The following STAG1 variants were observed in gnomAD, a reference collection of about 807,000 sequenced individuals.
STAG1 encodes STAG1 cohesin complex component.
A neutral mutation model predicts 170.9 loss-of-function variants in STAG1; 26 were observed. The ratio of observed to expected loss-of-function variants is 0.15; its 90% confidence interval spans 0.11 to 0.21. The LOEUF is 0.21. Ranked by LOEUF, STAG1 falls within the 10% of genes least tolerant of loss-of-function variation. STAG1 has a pLI of 1.00. For missense variants in STAG1, 964 were observed against 1,509.5 expected (o/e 0.64, Z 5.99); for synonymous variants, 514 against 497.7 (o/e 1.03, Z -0.44).
chr3:136,731,468 A>G (rs1441852916), intron 1 of STAG1, among the ~76,000 whole-genome samples: 1 of 152,202 alleles, frequency 6.6e-6, no homozygotes, highest in Non-Finnish European at 1.5e-5. Context: ...CAGGGTACCA[A>G]TTCTACAACC....
chr3:136,524,227 G>C (rs1426605688), intron 6 of STAG1, among the ~76,000 whole-genome samples: 1 of 152,176 alleles, frequency 6.6e-6, no homozygotes, highest in African/African-American at 2.4e-5. Context: ...CTATCCATGA[G>C]CATGGAATGT....
chr3:136,727,659 G>T (rs1055277095), intron 1 of STAG1, among the ~76,000 whole-genome samples: 2 of 152,124 alleles, frequency 1.3e-5, no homozygotes, highest in East Asian at 1.9e-4. Flanking sequence ...CATGCTAGGT[G>T]TAACAGGTTA....
intron 15 of STAG1, 69 bp from the exon 16 acceptor site, chr3:136,433,728 CATT>C: frequency 1.9e-6 from 2 of 1,065,400 alleles, no homozygotes; most frequent in East Asian, 2.5e-5. Context: ...AAAATGAACA[CATT>C]ATTAAAAAAA....
intron 23 of STAG1, among the ~76,000 whole-genome samples, chr3:136,372,765 C>G (rs1339358036): frequency 1.3e-5 from 2 of 152,102 alleles, no homozygotes; most frequent in East Asian, 1.9e-4. Flanking sequence ...TTTTATTGAG[C>G]ATTTTTGCAT....
At chr3:136,709,362 A>G (rs1943322025) in intron 1 of STAG1, among the ~76,000 whole-genome samples, 1 of 152,106 alleles carries the variant, frequency 6.6e-6, no homozygotes. Flanking sequence ...TTAAATGAAG[A>G]CAAATTTATT....
chr3:136,528,094 C>G (rs1291305114), intron 6 of STAG1, among the ~76,000 whole-genome samples: 1 of 152,132 alleles, frequency 6.6e-6, no homozygotes, highest in African/African-American at 2.4e-5. Flanking sequence ...CTGGGAGAAC[C>G]ACTAATCTCC....
intron 2 of STAG1, among the ~76,000 whole-genome samples, chr3:136,623,860 G>C (rs9828068): frequency 0.35 from 52,984 of 151,690 alleles, 10,390 homozygotes; most frequent in African/African-American, 0.52. Context: ...GAGGTTGAGG[G>C]AGGGGAATCA....
chr3:136,698,251 T>G (rs2107904814), intron 1 of STAG1, among the ~76,000 whole-genome samples: 1 of 152,144 alleles, frequency 6.6e-6, no homozygotes, highest in South Asian at 2.1e-4. Context: ...TCACAAACTG[T>G]GTGTCTGACA....
chr3:136,479,241 C>A (rs1371949683), intron 9 of STAG1, among the ~76,000 whole-genome samples: 1 of 119,324 alleles, frequency 8.4e-6, no homozygotes, highest in Non-Finnish European at 1.7e-5. Context: ...CCTGACCCCA[C>A]CACCGTCCCC....
intron 8 of STAG1, among the ~76,000 whole-genome samples, chr3:136,500,804 C>G (rs1933422411): frequency 6.6e-6 from 1 of 152,164 alleles, no homozygotes; most frequent in Admixed American, 6.5e-5. Flanking sequence ...AAAAAGGATC[C>G]TGGCTACTTA....
At chr3:136,412,600 G>T (rs2087655883) in intron 21 of STAG1, among the ~76,000 whole-genome samples, 1 of 152,018 alleles carries the variant, frequency 6.6e-6, no homozygotes, top group Non-Finnish European at 1.5e-5. Context: ...GATGCATTGA[G>T]GACAAAATAT....
At chr3:136,610,993 C>CT (rs1939246960) in intron 3 of STAG1, among the ~76,000 whole-genome samples, 1 of 152,174 alleles carries the variant, frequency 6.6e-6, no homozygotes, top group African/African-American at 2.4e-5. Flanking sequence ...ATCTGAAATG[C>CT]TTGGAACAAG....
rs1936740915 is a variant in STAG1, at chr3:136,358,498, C to G, written c.2936+650G>C. On this transcript the variant is annotated intron_variant, in intron 27 of 33. Coordinates refer to ENST00000383202, the MANE Select transcript of STAG1 (RefSeq NM_005862.3). ...AATGGTACCAAGCTGTGTGAGTTTA[C>G]TAAAGATTTTCTGTTACTTCTGTTT... Among the ~76,000 whole-genome samples the G allele has an allele frequency of 2.6e-5, 4 of 152,264 alleles. No homozygotes were observed. The East Asian group carries it at 7.7e-4, about 29-fold the overall frequency.
intron 21 of STAG1, among the ~76,000 whole-genome samples, chr3:136,414,892 C>T (rs75473455): frequency 1.0e-3 from 155 of 152,140 alleles, no homozygotes; most frequent in Middle Eastern, 6.8e-3. Context: ...ATTGTTTTGT[C>T]TCAGGGAATA....
intron 6 of STAG1, among the ~76,000 whole-genome samples, chr3:136,524,583 T>C (rs1387004013): frequency 1.3e-5 from 2 of 152,172 alleles, no homozygotes; most frequent in Non-Finnish European, 2.9e-5. Context: ...TGAATACCCT[T>C]TATTTCTTTC....
chr3:136,539,023 A>G (rs1379551925), intron 6 of STAG1, among the ~76,000 whole-genome samples: 2 of 151,778 alleles, frequency 1.3e-5, no homozygotes, highest in African/African-American at 2.4e-5. Flanking sequence ...AGTCCCAGCT[A>G]CTCAGGAGGC....
chr3:136,478,585 C>G (rs550139250), intron 9 of STAG1, among the ~76,000 whole-genome samples: 62 of 152,232 alleles, frequency 4.1e-4, no homozygotes, highest in Non-Finnish European at 6.5e-4. Flanking sequence ...AGGCAATAAT[C>G]TATCATTTTA....
intron 6 of STAG1, among the ~76,000 whole-genome samples, chr3:136,528,171 C>T (rs1285899144): frequency 1.3e-5 from 2 of 152,186 alleles, no homozygotes; most frequent in Non-Finnish European, 1.5e-5. Flanking sequence ...CAGCTATGCC[C>T]TGCCCCAGGG....
At position 136,391,650 on chromosome 3, in the gene STAG1, C is replaced by T. The variant is rs144053574; in HGVS notation, c.2277+7099G>A. 2.2e-3 allele frequency among the ~76,000 whole-genome samples: 338 copies of T among 152,366 alleles called. 3 individuals are homozygous for T. The highest frequency in any genetic ancestry group is 4.1e-3 in the Non-Finnish European group (278 of 68,034). ...TCGGCCTCCCAAAGTGCTGGGATTA[C>T]AGGCGTAAGCCACCATGCCCGGCCC... is the stretch of plus-strand genomic sequence containing the variant. On this transcript the variant is annotated intron_variant, in intron 22 of 33. Transcript: ENST00000383202.
Sources: allele counts gnomAD v4.1 joint callset (sites outside exome capture counted in the v4.1 genomes callset), GRCh38; gene constraint gnomAD v4.1.1; transcripts MANE v1.5; gene names NCBI Gene and HGNC (gene_info 2026-07-23, HGNC 2026-07-21).